The following ZNF692 variants were observed in gnomAD, a reference collection of about 807,000 sequenced individuals.
ZNF692 encodes zinc finger protein 692.
ZNF692 carries 41 observed loss-of-function variants against 49.0 expected under a neutral mutation model. The ratio of observed to expected loss-of-function variants is 0.84; its 90% CI spans 0.65 to 1.08. ZNF692 has a LOEUF of 1.08. Ranked by LOEUF, ZNF692 falls within the 50% of genes least tolerant of loss-of-function variation. The pLI, the probability that ZNF692 is intolerant of heterozygous loss-of-function variation, is 0.00. For missense variants in ZNF692, 662 were observed against 662.2 expected (o/e 1.00, Z 0.00); for synonymous variants, 288 against 251.5 (o/e 1.15, Z -1.37).
chr1:248,851,229 G>C (rs1303030100), intron 10 of ZNF692, among the ~76,000 whole-genome samples: 1 of 152,096 alleles, frequency 6.6e-6, no homozygotes, highest in African/African-American at 2.4e-5. Flanking sequence ...GACAGACCCT[G>C]GCACCTGGAA....
At position 248,850,727 on chromosome 1, in the gene ZNF692, TTGC is replaced by T; in HGVS notation, c.1205_1207del (p.Ser402del). On this transcript the variant is annotated inframe_deletion, in exon 11 of 12. Coordinates refer to ENST00000306601, the MANE Select transcript of ZNF692 (RefSeq NM_017865.4). ...GTGGATACGTCTGTGGATGACAAGG[TTGC>T]TGCTAGTGCGGAAAGACCGGGCGCA... is the stretch of plus-strand genomic sequence containing the variant. 1.2e-6 allele frequency: 2 copies of T among 1,614,060 alleles called. No homozygotes were observed. Among genetic ancestry groups the T allele is most frequent in the Non-Finnish European group, 1.7e-6 (2 of 1,179,990 alleles).
chr1:248,858,621 A>T lies in ZNF692; in HGVS notation c.-13+297T>A. The T allele has an allele frequency of 6.7e-7, 1 of 1,484,354 alleles. No individual in the cohort carries two copies. The highest frequency in any genetic ancestry group is 2.5e-5 in the East Asian group (1 of 40,562). 91.9% of individuals were successfully genotyped at this position (1,484,354 alleles called of 1,614,324 possible). ...TGTGGGGAAGGGGCGAGAGACTTTC[A>T]CGGGAAATTTCAACTGGGCTGGGGG... is the stretch of plus-strand genomic sequence containing the variant. On this transcript the variant is annotated intron_variant, in intron 1 of 11. Coordinates refer to ENST00000306601, the MANE Select transcript of ZNF692 (RefSeq NM_017865.4). The surrounding 1 kb of genome is among the most constrained non-coding windows in gnomAD (Gnocchi z 4.3).
chr1:248,853,675 G>A (rs1659884995), intron 10 of ZNF692, among the ~76,000 whole-genome samples: 1 of 152,224 alleles, frequency 6.6e-6, no homozygotes, highest in Non-Finnish European at 1.5e-5. Flanking sequence ...TAAAGTGGAT[G>A]TCTCAAGAGG....
rs1660469290 is a variant in ZNF692, at chr1:248,858,190, G to A, written c.120C>T (p.Leu40=). 3 of 1,584,134 alleles carry A rather than the reference G, an allele frequency of 1.9e-6. No individual in the cohort carries two copies. Among genetic ancestry groups the A allele is most frequent in the Admixed American group, 1.7e-5 (1 of 58,946 alleles). ...RLGGHMEQWC[L]LKERLGFSLH... ...GGGAGAAGCCCAGCCGCTCCTTGAG[G>A]AGGCACCACTGCTCCATGTGGCCGC... The change falls in exon 2 of 12, where the codon CTC becomes CTT. Residue 40 remains leucine, a synonymous_variant. Coordinates refer to ENST00000306601, the MANE Select transcript of ZNF692 (RefSeq NM_017865.4). This position sits in a 1 kb window ranked among gnomAD's most constrained non-coding sequence, Gnocchi z 4.3.
chr1:248,856,666 TA>T, intron 4 of ZNF692, 104 bp from the exon 5 acceptor site: 1 of 1,388,828 alleles, frequency 7.2e-7, no homozygotes, highest in Non-Finnish European at 1.0e-6. Flanking sequence ...CTTTTTTTTT[TA>T]AATAGAGACG....
intron 3 of ZNF692, 47 bp downstream of exon 3, chr1:248,857,781 T>C: frequency 6.2e-7 from 1 of 1,602,688 alleles, no homozygotes; most frequent in Non-Finnish European, 8.5e-7. Flanking sequence ...GGTCACCCTG[T>C]GGTCCCTCTT....
At chr1:248,854,899 T>C (rs1572223728) in intron 9 of ZNF692, among the ~76,000 whole-genome samples, 1 of 152,190 alleles carries the variant, frequency 6.6e-6, no homozygotes, top group East Asian at 1.9e-4. Context: ...CTGTCTACCC[T>C]CACCTCACCA....
At chr1:248,851,612 C>G (rs1290057324) in intron 10 of ZNF692, among the ~76,000 whole-genome samples, 1 of 152,056 alleles carries the variant, frequency 6.6e-6, no homozygotes, top group Non-Finnish European at 1.5e-5. Flanking sequence ...CCACACAACT[C>G]TAGGTTCAGC....
Position 248,850,336 on chromosome 1 carries a change from A to AG in ZNF692, c.1433dup (p.Gln479SerfsTer?). ...CTAGGGGACCACTGGGTGACTCTTG[A>AG]GGGGCTAGAAGCAGGGCTGGGTGAC... On this transcript the variant is annotated frameshift_variant, in exon 12 of 12. Transcript: ENST00000306601. LOFTEE classifies it low-confidence loss of function (END_TRUNC). 6.2e-7 allele frequency: 1 copy of AG among 1,613,964 alleles called. No homozygotes were observed. Among genetic ancestry groups the AG allele is most frequent in the Non-Finnish European group, 8.5e-7 (1 of 1,179,982 alleles).
In ZNF692 at chr1:248,857,349, G is replaced by C; in HGVS notation, c.360C>G (p.Phe120Leu). 6.2e-7 allele frequency: 1 copy of C among 1,614,114 alleles called. No homozygotes were observed. ...TAGGGCTCAAAGAGGGTCCCCAGGA[G>C]AAGGTATGGCCTGCTGAGCACTCCC... ...LVWECSAGHTFSWGPSLSPTP... is the reference protein window; with the variant it reads ...LVWECSAGHTLSWGPSLSPTP... The change falls in exon 4 of 12, where the codon TTC (phenylalanine) becomes TTG (leucine). Residue 120 changes from phenylalanine to leucine, a missense_variant. Coordinates refer to ENST00000306601, the MANE Select transcript of ZNF692 (RefSeq NM_017865.4).
chr1:248,851,191 G>GAATT (rs1300398165), intron 10 of ZNF692, among the ~76,000 whole-genome samples: 3 of 152,054 alleles, frequency 2.0e-5, no homozygotes, highest in Non-Finnish European at 4.4e-5. Context: ...TCAGCGATGG[G>GAATT]AATTAGGATT....
At position 248,850,734 on chromosome 1, in the gene ZNF692, T is replaced by C. The variant is rs138426509; in HGVS notation, c.1201A>G (p.Ser401Gly). The C allele has an allele frequency of 6.6e-4, 1,060 of 1,614,072 alleles. 16 individuals carry two copies. In the East Asian group the frequency reaches 0.021, roughly 32 times the overall value. ...CEFCARSFRTSSNLVIHRRIH... is the reference protein window; with the variant it reads ...CEFCARSFRTGSNLVIHRRIH... ...CGTCTGTGGATGACAAGGTTGCTGC[T>C]AGTGCGGAAAGACCGGGCGCAGAAC... The change falls in exon 11 of 12, where the codon AGC becomes GGC. Residue 401 changes from serine (S) to glycine (G), a missense_variant. By Grantham distance (56) the Ser-to-Gly change is moderately conservative. Coordinates refer to ENST00000306601, the MANE Select transcript of ZNF692 (RefSeq NM_017865.4).
In ZNF692 at chr1:248,857,335, G is replaced by A. The variant is rs1238521633; in HGVS notation, c.374C>T (p.Ser125Phe). The A allele has an allele frequency of 6.2e-6, 10 of 1,614,152 alleles. No homozygotes were observed. The Admixed American group carries it at 1.3e-4, about 22-fold the overall frequency. The change falls in exon 4 of 12, where the codon TCT becomes TTT. Residue 125 changes from serine to phenylalanine, a missense_variant. Transcript: ENST00000306601. ...TGCCTCTGAAGGTGTAGGGCTCAAAGAGGGTCCCCAGGAGAAGGTATGGCC... is the reference window on the plus strand; with the variant it reads ...TGCCTCTGAAGGTGTAGGGCTCAAAAAGGGTCCCCAGGAGAAGGTATGGCC... The part of the protein sequence containing the change: ...SAGHTFSWGP[S>F]LSPTPSEAPK...
chr1:248,855,240 C>A, intron 9 of ZNF692, 140 bp downstream of exon 9: 1 of 768,478 alleles, frequency 1.3e-6, no homozygotes, highest in South Asian at 1.7e-5. Flanking sequence ...TTGTGAGGAC[C>A]AAAAGACTTT....
Position 248,858,519 on chromosome 1 carries a change from G to C in ZNF692, c.-12-198C>G. The C allele has an allele frequency of 6.4e-7, 1 of 1,551,760 alleles. No homozygotes were observed. Among genetic ancestry groups the C allele is most frequent in the South Asian group, 1.2e-5 (1 of 84,064 alleles). On this transcript the variant is annotated intron_variant, in intron 1 of 11. Coordinates refer to ENST00000306601, the MANE Select transcript of ZNF692 (RefSeq NM_017865.4). This position sits in a 1 kb window ranked among gnomAD's most constrained non-coding sequence, Gnocchi z 4.3. ...GTTGAAGCTCAGCGCTACCATGTGA[G>C]TGTCGTCGGGTGGGAGGCAGGCAGA...
chr1:248,857,119 G>C (rs2103064592), intron 4 of ZNF692, 115 bp downstream of exon 4: 1 of 1,105,732 alleles, frequency 9.0e-7, no homozygotes, highest in South Asian at 1.6e-5. Context: ...TATTTGTCAA[G>C]ATAGAGTTTT....
At chr1:248,853,521 G>A (rs976251313) in intron 10 of ZNF692, among the ~76,000 whole-genome samples, 6 of 152,032 alleles carry the variant, frequency 3.9e-5, no homozygotes, top group Non-Finnish European at 2.9e-5. Context: ...CCTTCCACAC[G>A]CGCTGTCCAT....
chr1:248,850,575 G>A, intron 11 of ZNF692, 59 bp from the exon 12 acceptor site: 1 of 1,591,124 alleles, frequency 6.3e-7, no homozygotes, highest in Non-Finnish European at 8.6e-7. Context: ...GACTTCCCTA[G>A]GGGGTTCCTC....
In ZNF692 at chr1:248,857,871, A is replaced by T. The variant is rs1660422605; in HGVS notation, c.180-12T>A. ...CTGAAGAAGTGTACCTGCCAGCAGG[A>T]GAAGAGGCAGGTCAGGACTCAGGTG... On this transcript the variant is annotated splice_polypyrimidine_tract_variant and intron_variant, in intron 2 of 11. Transcript: ENST00000306601. 6.2e-7 allele frequency: 1 copy of T among 1,613,484 alleles called. No individual in the cohort carries two copies. The highest frequency in any genetic ancestry group is 1.3e-5 in the African/African-American group (1 of 74,856).
Sources: gnomAD v4.1 joint callset for allele counts (sites outside exome capture counted in the v4.1 genomes callset) on GRCh38, gnomAD v4.1.1 for gene constraint, Gnocchi (gnomAD v3.1) non-coding constraint, MANE v1.5 for transcripts, NCBI Gene and HGNC (gene_info 2026-07-23, HGNC 2026-07-21) for gene names.